ERC2: variants seen among roughly 807,000 people sequenced by gnomAD.
The protein encoded by ERC2 is ERC protein 2.
In ERC2, 42 loss-of-function variants were observed where a neutral mutation model predicts 114.8. The observed-to-expected ratio is 0.37, with a 90% CI of 0.29 to 0.47. The LOEUF is 0.47. ERC2 is among the 20% of genes least tolerant of loss of function. The pLI, the probability that ERC2 is intolerant of heterozygous loss-of-function variation, is 0.99. For missense variants in ERC2, 939 were observed against 1,150.7 expected, an observed-to-expected ratio of 0.82 and a Z score of 2.66; for synonymous variants, 454 against 425.5, an observed-to-expected ratio of 1.07 and a Z score of -0.82.
At chr3:56,016,119 T>C (rs2073289776) in intron 8 of ERC2, among the ~76,000 whole-genome samples, 1 of 152,226 alleles carries the variant, frequency 6.6e-6, no homozygotes, top group Admixed American at 6.5e-5. Context: ...CTTTGTCAGA[T>C]GGATAGATTG....
At chr3:55,659,719 C>A (rs1049994030) in intron 17 of ERC2, among the ~76,000 whole-genome samples, 1 of 152,140 alleles carries the variant, frequency 6.6e-6, no homozygotes, top group African/African-American at 2.4e-5. Flanking sequence ...CAACCGATAG[C>A]CTGTTTGCCT....
intron 7 of ERC2, among the ~76,000 whole-genome samples, chr3:56,075,761 A>C (rs1339489350): frequency 6.6e-6 from 1 of 152,160 alleles, no homozygotes; most frequent in Non-Finnish European, 1.5e-5. Context: ...ACATGTTCAA[A>C]AAATTAGGAG....
chr3:55,683,676 C>G, intron 17 of ERC2, 118 bp downstream of exon 17: 1 of 840,050 alleles, frequency 1.2e-6, no homozygotes, highest in East Asian at 2.9e-5. Flanking sequence ...GCTCACAGAA[C>G]ACAGTAGCAA....
chr3:55,801,330 A>C (rs2071029706), intron 14 of ERC2, among the ~76,000 whole-genome samples: 1 of 152,168 alleles, frequency 6.6e-6, no homozygotes, highest in South Asian at 2.1e-4. Flanking sequence ...GTTTGGAAGC[A>C]CCTGAAGGGC....
intron 13 of ERC2, among the ~76,000 whole-genome samples, chr3:55,907,653 C>T (rs1331286596): frequency 1.3e-5 from 2 of 152,192 alleles, no homozygotes; most frequent in Admixed American, 6.5e-5. Flanking sequence ...TGAGGAAACA[C>T]AGACGCTGAG....
At chr3:56,381,297 A>G (rs1297147052) in intron 2 of ERC2, among the ~76,000 whole-genome samples, 1 of 152,134 alleles carries the variant, frequency 6.6e-6, no homozygotes, top group Non-Finnish European at 1.5e-5. Context: ...TCGTATTACA[A>G]TCATTCCTGG....
intron 17 of ERC2, among the ~76,000 whole-genome samples, chr3:55,679,834 T>A (rs186497010): frequency 6.6e-5 from 10 of 152,294 alleles, no homozygotes; most frequent in Admixed American, 3.9e-4. Context: ...TTTCCTTGAT[T>A]TTCTTTTTGC....
At chr3:56,448,560 T>A (rs950797287) in intron 1 of ERC2, among the ~76,000 whole-genome samples, 1 of 152,146 alleles carries the variant, frequency 6.6e-6, no homozygotes, top group Non-Finnish European at 1.5e-5. Context: ...ACGGGCCTCA[T>A]ACACATGAAC....
intron 1 of ERC2, among the ~76,000 whole-genome samples, chr3:56,456,031 T>C (rs2063045886): frequency 1.3e-5 from 2 of 152,218 alleles, no homozygotes; most frequent in Admixed American, 6.5e-5. Flanking sequence ...GTGGGGTCAA[T>C]TGTAAACAAC....
At chr3:56,275,781 T>C (rs1241147936) in intron 3 of ERC2, among the ~76,000 whole-genome samples, 2 of 152,204 alleles carry the variant, frequency 1.3e-5, no homozygotes, top group Non-Finnish European at 1.5e-5. Context: ...GGGATGACTC[T>C]ATCCCACAGG....
chr3:56,345,711 G>T (rs1417973260), intron 2 of ERC2, among the ~76,000 whole-genome samples: 1 of 152,100 alleles, frequency 6.6e-6, no homozygotes, highest in Non-Finnish European at 1.5e-5. Flanking sequence ...ATATGAGGGT[G>T]GTAGAAAGGG....
intron 10 of ERC2, among the ~76,000 whole-genome samples, chr3:55,999,233 A>G (rs1420272668): frequency 6.6e-6 from 1 of 152,190 alleles, no homozygotes; most frequent in Non-Finnish European, 1.5e-5. Flanking sequence ...TAATAAGACA[A>G]AACTCCAGGA....
At position 55,724,435 on chromosome 3, in the gene ERC2, T is replaced by C. The variant is rs559533830; in HGVS notation, c.2712+10336A>G. 2.0e-5 allele frequency among the ~76,000 whole-genome samples: 3 copies of C among 152,324 alleles called. No homozygotes were observed. In the South Asian group the frequency reaches 6.2e-4, roughly 32 times the overall value. ...ATTGCACCAATTCAGGGATAGCTCCTGGGAAGAGCATGGAAAAGCTTCAAT... is the reference window on the plus strand; with the variant it reads ...ATTGCACCAATTCAGGGATAGCTCCCGGGAAGAGCATGGAAAAGCTTCAAT... On this transcript the variant is annotated intron_variant, in intron 15 of 17. Transcript: ENST00000288221.
At chr3:55,749,345 C>A (rs1361689898) in intron 14 of ERC2, among the ~76,000 whole-genome samples, 1 of 152,170 alleles carries the variant, frequency 6.6e-6, no homozygotes, top group African/African-American at 2.4e-5. Flanking sequence ...CAACAAAGCA[C>A]CCCTGCTTAG....
chr3:56,096,489 G>T (rs746172501), intron 6 of ERC2, among the ~76,000 whole-genome samples: 16 of 152,192 alleles, frequency 1.1e-4, no homozygotes, highest in Non-Finnish European at 2.2e-4. Context: ...AACCAAAGCA[G>T]TGGAGAGAAT....
intron 17 of ERC2, among the ~76,000 whole-genome samples, chr3:55,600,116 G>A (rs1001986332): frequency 3.3e-5 from 5 of 152,154 alleles, no homozygotes; most frequent in Admixed American, 1.3e-4. Flanking sequence ...CTGTAATCTT[G>A]TGAAGTTATC....
At chr3:55,721,872 A>C (rs2064575325) in intron 15 of ERC2, among the ~76,000 whole-genome samples, 1 of 152,154 alleles carries the variant, frequency 6.6e-6, no homozygotes, top group African/African-American at 2.4e-5. Context: ...ATCACACCCA[A>C]GGTGGCCCAG....
At chr3:55,876,047 T>C (rs1054968109) in intron 14 of ERC2, among the ~76,000 whole-genome samples, 7 of 152,084 alleles carry the variant, frequency 4.6e-5, no homozygotes, top group Admixed American at 3.9e-4. Context: ...CAAAGTATAA[T>C]TTTCATCAAC....
intron 5 of ERC2, among the ~76,000 whole-genome samples, chr3:56,139,922 C>A (rs2080751999): frequency 1.3e-5 from 2 of 152,100 alleles, no homozygotes; most frequent in South Asian, 4.1e-4. Flanking sequence ...GCCCTCCATC[C>A]CACTGTGGAC....
Sources: gnomAD v4.1 joint callset for allele counts (sites outside exome capture counted in the v4.1 genomes callset) on GRCh38, gnomAD v4.1.1 for gene constraint, MANE v1.5 for transcripts, NCBI Gene and HGNC (gene_info 2026-07-23, HGNC 2026-07-21) for gene names.